Variants in WHR1 observed in about 807,000 individuals in gnomAD.
WHR1 encodes MHC class III HLA-RP1.
At chr6:31,980,494 A>G in the WHR1 span, 1 of 1,613,066 alleles carries the variant, frequency 6.2e-7, no homozygotes, top group South Asian at 1.1e-5. Flanking sequence ...AGATGCTGGG[A>G]GCTGGTGGCT....
chr6:31,971,455 G>T, the WHR1 span: 3 of 1,613,772 alleles, frequency 1.9e-6, no homozygotes, highest in East Asian at 2.2e-5. This position sits in a 1 kb window ranked among gnomAD's most constrained non-coding sequence, Gnocchi z 4.5. Flanking sequence ...ACCGTTAGTG[G>T]GGGGTGGGCT....
chr6:31,977,509 TTG>T, the WHR1 span, among the ~76,000 whole-genome samples: 59 of 151,732 alleles, frequency 3.9e-4, no homozygotes, highest in African/African-American at 1.1e-3. Flanking sequence ...GCCTGGCTAA[TTG>T]TTTTTTTTTT....
the WHR1 span, chr6:31,980,620 A>G: frequency 1.9e-6 from 3 of 1,586,696 alleles, no homozygotes; most frequent in Non-Finnish European, 2.6e-6. Context: ...GGCCTTATTC[A>G]CCTTTCCCCT....
the WHR1 span, among the ~76,000 whole-genome samples, chr6:31,976,332 C>T: frequency 6.6e-6 from 1 of 151,004 alleles, no homozygotes; most frequent in Middle Eastern, 3.5e-3. Context: ...TCAGACGGGG[C>T]GGCTGCCGGG....
chr6:31,980,172 T>A, the WHR1 span: 1 of 454,044 alleles, frequency 2.2e-6, no homozygotes, highest in African/African-American at 1.9e-5. Flanking sequence ...TCAGGACATG[T>A]GGTCAGGGAA....
chr6:31,971,355 C>T, the WHR1 span: 5 of 1,557,550 alleles, frequency 3.2e-6, no homozygotes, highest in Non-Finnish European at 3.5e-6. This position sits in a 1 kb window ranked among gnomAD's most constrained non-coding sequence, Gnocchi z 4.5. Flanking sequence ...GGAGCCAGCA[C>T]AGCAGGTGGT....
chr6:31,971,504 G>A, the WHR1 span: 4 of 1,614,170 alleles, frequency 2.5e-6, no homozygotes, highest in East Asian at 4.5e-5. This position sits in a 1 kb window ranked among gnomAD's most constrained non-coding sequence, Gnocchi z 4.5. Flanking sequence ...TGGTACTGGC[G>A]TTGAGCATCC....
At chr6:31,976,936 CG>C in the WHR1 span, among the ~76,000 whole-genome samples, 2 of 152,180 alleles carry the variant, frequency 1.3e-5, no homozygotes, top group African/African-American at 4.8e-5. Context: ...CGCAGGCACT[CG>C]GCAGGCTGAG....
chr6:31,979,527 CT>C, the WHR1 span: 1 of 1,612,934 alleles, frequency 6.2e-7, no homozygotes, highest in Non-Finnish European at 8.5e-7. Flanking sequence ...TGACACAGAC[CT>C]TTGGCTTCAG....
the WHR1 span, chr6:31,971,411 G>A: frequency 6.2e-7 from 1 of 1,606,074 alleles, no homozygotes; most frequent in Non-Finnish European, 8.5e-7. The surrounding 1 kb of genome is among the most constrained non-coding windows in gnomAD (Gnocchi z 4.5). Flanking sequence ...TATCGATCCG[G>A]GTATCCGTCT....
the WHR1 span, chr6:31,972,416 G>A: frequency 6.2e-7 from 1 of 1,613,076 alleles, no homozygotes; most frequent in Non-Finnish European, 8.5e-7. The surrounding 1 kb of genome is among the most constrained non-coding windows in gnomAD (Gnocchi z 6.3). Context: ...CGGGATATGA[G>A]CTGGAAGAGG....
the WHR1 span, among the ~76,000 whole-genome samples, chr6:31,975,067 C>A: frequency 6.6e-6 from 1 of 152,148 alleles, no homozygotes; most frequent in Non-Finnish European, 1.5e-5. Context: ...AAAGCAGATA[C>A]CTATCTAGCC....
At chr6:31,979,703 T>G in the WHR1 span, 1 of 1,030,126 alleles carries the variant, frequency 9.7e-7, no homozygotes, top group Non-Finnish European at 1.4e-6. Flanking sequence ...TGACCCAAGT[T>G]TGTATTCCTC....
At chr6:31,979,002 T>C in the WHR1 span, 2 of 1,611,744 alleles carry the variant, frequency 1.2e-6, no homozygotes, top group Non-Finnish European at 8.5e-7. Context: ...GACCAGAGTA[T>C]GTGACTGTGT....
chr6:31,978,278 C>T, the WHR1 span, among the ~76,000 whole-genome samples: 2 of 151,986 alleles, frequency 1.3e-5, no homozygotes, highest in African/African-American at 4.8e-5. Flanking sequence ...AGGTGTCTGC[C>T]CCCACGCCTG....
chr6:31,972,482 T>G, the WHR1 span: 4 of 1,612,668 alleles, frequency 2.5e-6, no homozygotes, highest in Non-Finnish European at 3.4e-6. The surrounding 1 kb of genome is among the most constrained non-coding windows in gnomAD (Gnocchi z 6.3). Context: ...CGAGGGCCTG[T>G]GGAGTCGGAT....
chr6:31,971,354 A>G, the WHR1 span: 1 of 1,556,244 alleles, frequency 6.4e-7, no homozygotes, highest in South Asian at 1.2e-5. The surrounding 1 kb of genome is among the most constrained non-coding windows in gnomAD (Gnocchi z 4.5). Context: ...AGGAGCCAGC[A>G]CAGCAGGTGG....
chr6:31,977,146 T>C, the WHR1 span, among the ~76,000 whole-genome samples: 1 of 152,192 alleles, frequency 6.6e-6, no homozygotes, highest in Non-Finnish European at 1.5e-5. Context: ...CAGATTTGCC[T>C]AGATTAATAA....
At chr6:31,976,774 G>A in the WHR1 span, among the ~76,000 whole-genome samples, 3 of 152,260 alleles carry the variant, frequency 2.0e-5, no homozygotes, top group African/African-American at 7.2e-5. Flanking sequence ...GAGTGAACCA[G>A]ACACCGTCTG....
Sources: gnomAD v4.1 joint callset for allele counts (sites outside exome capture counted in the v4.1 genomes callset) on GRCh38, gnomAD v4.1.1 for gene constraint, Gnocchi (gnomAD v3.1) non-coding constraint, MANE v1.5 for transcripts, NCBI Gene and HGNC (gene_info 2026-07-23, HGNC 2026-07-21) for gene names.